The following MB variants were observed in gnomAD, a reference collection of about 807,000 sequenced individuals.
MB encodes the protein myoglobin, also known as nitrite reductase MB.
In MB, 10 loss-of-function variants were observed where a neutral mutation model predicts 14.5. The ratio of observed to expected loss-of-function variants is 0.69; its 90% confidence interval spans 0.43 to 1.17. The LOEUF is 1.17. Ranked by LOEUF, MB falls within the 50% of genes most tolerant of loss-of-function variation. MB has a pLI of 0.00. For missense variants in MB, 169 were observed against 192.7 expected (o/e 0.88, Z 0.73); for synonymous variants, 89 against 78.6 (o/e 1.13, Z -0.70).
In MB at chr22:35,607,231, C is replaced by A. The variant is rs148909794; in HGVS notation, c.*66G>T. The stretch of plus-strand genomic sequence containing the variant: ...CAGAAGCAAACTCTATATGGCTACA[C>A]GAGATCAGACCCCGCTCTCTCTTGA... On this transcript the variant is annotated 3_prime_UTR_variant, in exon 3 of 3. Transcript: ENST00000397326. 544 of 1,536,330 alleles carry A rather than the reference C, an allele frequency of 3.5e-4. 1 individual carries two copies. The African/African-American group carries it at 7.2e-3, about 20-fold the overall frequency.
upstream of MB, among the ~76,000 whole-genome samples, chr22:35,621,564 T>G (rs560339147): frequency 6.6e-6 from 1 of 152,180 alleles, no homozygotes; most frequent in Non-Finnish European, 1.5e-5. Context: ...AATTTCCCAC[T>G]AAACATAGTT....
At chr22:35,615,636 T>G (rs1923018091) in intron 1 of MB, 1 of 152,228 alleles carries the variant, frequency 6.6e-6, no homozygotes, top group Non-Finnish European at 1.5e-5. Flanking sequence ...CTCAGAGAAT[T>G]CTAGGGCATG....
At chr22:35,622,916 C>T (rs967206411) in intron 1 of MB, among the ~76,000 whole-genome samples, 9 of 152,226 alleles carry the variant, frequency 5.9e-5, no homozygotes, top group Non-Finnish European at 1.2e-4. Flanking sequence ...TACCCATTCC[C>T]AGCAGATGTG....
chr22:35,610,937 G>A lies in MB; in HGVS notation c.265C>T (p.Pro89Ser). Residue 89 changes from proline to serine, a missense_variant, in exon 2 of 3, where the codon CCC becomes TCC. Coordinates refer to ENST00000397326, the MANE Select transcript of MB (RefSeq NM_005368.3). Reference protein sequence around the residue: ...KKGHHEAEIKPLAQSHATKHK... With the variant: ...KKGHHEAEIKSLAQSHATKHK... ...TTGGTGGCATGCGACTGTGCCAGGG[G>A]CTTAATCTCTGCCTCATGATGCCCC... is the stretch of plus-strand genomic sequence containing the variant. 1 of 1,614,186 alleles carries A rather than the reference G, an allele frequency of 6.2e-7. No individual in the cohort carries two copies. The highest frequency in any genetic ancestry group is 1.6e-4 in the Middle Eastern group (1 of 6,062).
chr22:35,611,383 G>C (rs1454112005), intron 1 of MB, among the ~76,000 whole-genome samples: 2 of 152,174 alleles, frequency 1.3e-5, no homozygotes, highest in Non-Finnish European at 2.9e-5. Flanking sequence ...TGGAAACCGA[G>C]GTTCTGAGGC....
Position 35,611,069 on chromosome 22 carries a change from C to G in MB, c.133G>C (p.Asp45His). Reference protein sequence around the residue: ...KGHPETLEKFDKFKHLKSEDE... With the variant: ...KGHPETLEKFHKFKHLKSEDE... The stretch of plus-strand genomic sequence containing the variant: ...TCTGACTTCAGGTGCTTGAACTTGT[C>G]AAACTTCTCCAGAGTCTCTGGGTGA... The change falls in exon 2 of 3, where the codon GAC becomes CAC. Residue 45 changes from aspartate (D) to histidine (H), a missense_variant. Physicochemically the swap from Asp to His is moderately conservative, Grantham distance 81. Transcript: ENST00000397326. The G allele has an allele frequency of 1.9e-6, 3 of 1,614,098 alleles. No individual in the cohort carries two copies. The highest frequency in any genetic ancestry group is 1.3e-5 in the African/African-American group (1 of 75,030).
At chr22:35,622,310 C>A (rs1239540739), upstream of MB, among the ~76,000 whole-genome samples, 2 of 152,124 alleles carry the variant, frequency 1.3e-5, no homozygotes, top group African/African-American at 4.8e-5. Context: ...GTCTACCCTC[C>A]TGGACCAGCG....
chr22:35,617,453 A>C, upstream of MB: 1 of 589,660 alleles, frequency 1.7e-6, no homozygotes, highest in South Asian at 2.0e-5. Flanking sequence ...GGGAGGGTCT[A>C]ATCTTTTCCT....
At position 35,608,020 on chromosome 22, in the gene MB, G is replaced by A. The variant is rs1011279909; in HGVS notation, c.319-577C>T. ...ACCAAGCACAGAAACACTGGTGGGA[G>A]GGAAGGAGAGAGAGGAAGAAGACAG... is the stretch of plus-strand genomic sequence containing the variant. On this transcript the variant is annotated intron_variant, in intron 2 of 2. Coordinates refer to ENST00000397326, the MANE Select transcript of MB (RefSeq NM_005368.3). This position sits in a 1 kb window ranked among gnomAD's most constrained non-coding sequence, Gnocchi z 4.3. Among the ~76,000 whole-genome samples, 2 of 152,190 alleles carry A rather than the reference G, an allele frequency of 1.3e-5. No individual in the cohort carries two copies. The highest frequency in any genetic ancestry group is 6.5e-5 in the Admixed American group (1 of 15,280).
At chr22:35,610,385 T>A (rs1472341286) in intron 2 of MB, among the ~76,000 whole-genome samples, 1 of 152,194 alleles carries the variant, frequency 6.6e-6, no homozygotes, top group African/African-American at 2.4e-5. Context: ...TGAGCCCCAC[T>A]TGCTGAGCTC....
Position 35,617,318 on chromosome 22 carries a change from C to G in MB, c.-61G>C. ...GGCTCACTGGGTGTCCTGGCCCCAA[C>G]AGCTGGGGTTTGAGGCTGCCTGGTC... On this transcript the variant is annotated 5_prime_UTR_variant, in exon 1 of 3. Coordinates refer to ENST00000397326, the MANE Select transcript of MB (RefSeq NM_005368.3). 7.1e-7 allele frequency: 1 copy of G among 1,401,518 alleles called. No homozygotes were observed. The highest frequency in any genetic ancestry group is 1.0e-6 in the Non-Finnish European group (1 of 989,014). 86.8% of individuals were successfully genotyped at this position (1,401,518 alleles called of 1,614,324 possible).
intron 2 of MB, among the ~76,000 whole-genome samples, chr22:35,610,424 C>A (rs1922519742): frequency 6.6e-6 from 1 of 152,224 alleles, no homozygotes; most frequent in African/African-American, 2.4e-5. Context: ...ATGTACCAGA[C>A]TCCCAGTGGC....
At position 35,622,872 on chromosome 22, in the gene MB, C is replaced by T. The variant is rs556509626; in HGVS notation, c.-9+319G>A. ...TCCTTCAAGGCCCATTGCATAGGAACGGCTCCCCTGCCAGGACTCCTCCCA... is the reference window on the plus strand; with the variant it reads ...TCCTTCAAGGCCCATTGCATAGGAATGGCTCCCCTGCCAGGACTCCTCCCA... On this transcript the variant is annotated intron_variant, in intron 1 of 3. Transcript: ENST00000359787. Among the ~76,000 whole-genome samples, 19 of 152,228 alleles carry T rather than the reference C, an allele frequency of 1.2e-4. No individual in the cohort carries two copies. The East Asian group carries it at 1.9e-3, about 16-fold the overall frequency.
chr22:35,620,690 A>G (rs753585835), upstream of MB, among the ~76,000 whole-genome samples: 5 of 152,156 alleles, frequency 3.3e-5, no homozygotes, highest in Non-Finnish European at 7.4e-5. Context: ...ATTGAGACGC[A>G]ATGTGCGGTT....
chr22:35,618,887 A>T (rs529145270), upstream of MB, among the ~76,000 whole-genome samples: 1 of 147,410 alleles, frequency 6.8e-6, no homozygotes, highest in East Asian at 2.1e-4. Context: ...CCATCTATCC[A>T]TCCATCACCC....
At chr22:35,614,852 G>C (rs759930670) in intron 1 of MB, among the ~76,000 whole-genome samples, 7 of 152,136 alleles carry the variant, frequency 4.6e-5, no homozygotes, top group Non-Finnish European at 1.0e-4. Flanking sequence ...ATGAGAAGTA[G>C]TGACCACCAC....
At chr22:35,616,961 A>T in intron 1 of MB, 1 of 559,056 alleles carries the variant, frequency 1.8e-6, no homozygotes, top group Non-Finnish European at 3.2e-6. Flanking sequence ...CCAGCTGCTG[A>T]CATCAGCCTG....
upstream of MB, among the ~76,000 whole-genome samples, chr22:35,620,912 G>A (rs780022784): frequency 2.6e-5 from 4 of 152,134 alleles, no homozygotes; most frequent in Admixed American, 6.5e-5. Context: ...CTTGGCAAGC[G>A]CCCCCATTAA....
At chr22:35,615,228 C>G (rs45576439) in intron 1 of MB, among the ~76,000 whole-genome samples, 1 of 152,138 alleles carries the variant, frequency 6.6e-6, no homozygotes, top group African/African-American at 2.4e-5. Context: ...CCAACTCTCA[C>G]GGGTGGCATT....
Sources: allele counts gnomAD v4.1 joint callset (sites outside exome capture counted in the v4.1 genomes callset), GRCh38; gene constraint gnomAD v4.1.1; non-coding constraint Gnocchi (gnomAD v3.1); transcripts MANE v1.5; gene names NCBI Gene and HGNC (gene_info 2026-07-23, HGNC 2026-07-21).